RANBP2: variants seen among roughly 807,000 people sequenced by gnomAD.
RANBP2 encodes RAN binding protein 2.
RANBP2 carries 57 observed loss-of-function variants against 303.6 expected under a neutral mutation model. The ratio of observed to expected loss-of-function variants is 0.19; its 90% CI spans 0.15 to 0.23. RANBP2 has a LOEUF of 0.23. Among genes scored for constraint, RANBP2 ranks in the 10% least tolerant of loss-of-function variants. RANBP2 has a pLI of 1.00. For missense variants in RANBP2, 3,138 were observed against 3,780.8 expected, an observed-to-expected ratio of 0.83 and a Z score of 4.46; for synonymous variants, 1,167 against 1,301.5, an observed-to-expected ratio of 0.90 and a Z score of 2.23.
the RANBP2 span, among the ~76,000 whole-genome samples, chr2:109,243,086 T>G: frequency 6.6e-6 from 1 of 152,226 alleles, no homozygotes; most frequent in South Asian, 2.1e-4. Flanking sequence ...TCCTGTAGCG[T>G]CAGCAGCAGA....
At chr2:109,096,351 T>C in the RANBP2 span, among the ~76,000 whole-genome samples, 1 of 152,214 alleles carries the variant, frequency 6.6e-6, no homozygotes, top group Non-Finnish European at 1.5e-5. Context: ...CTAATATGGT[T>C]CAGTATATAT....
the RANBP2 span, among the ~76,000 whole-genome samples, chr2:109,297,931 T>C: frequency 6.7e-6 from 1 of 149,114 alleles, no homozygotes; most frequent in African/African-American, 2.5e-5. Context: ...AGATGTGTGT[T>C]CCCCCCCCAC....
chr2:109,419,754 G>A, the RANBP2 span: 2 of 1,007,658 alleles, frequency 2.0e-6, no homozygotes, highest in Non-Finnish European at 2.9e-6. Context: ...TTACTAGTTG[G>A]CCAGTATAGT....
the RANBP2 span, among the ~76,000 whole-genome samples, chr2:109,340,846 G>A: frequency 1.2e-3 from 188 of 152,196 alleles, no homozygotes; most frequent in African/African-American, 4.1e-3. Flanking sequence ...TGACCTAACC[G>A]CTGCTTTGAT....
chr2:108,759,891 C>T (rs1442151739), intron 18 of RANBP2, among the ~76,000 whole-genome samples: 1 of 152,118 alleles, frequency 6.6e-6, no homozygotes, highest in Non-Finnish European at 1.5e-5. Context: ...GCATGTAAAT[C>T]CAACATTCTC....
the RANBP2 span, among the ~76,000 whole-genome samples, chr2:109,538,615 G>A: frequency 1.3e-5 from 2 of 152,208 alleles, no homozygotes; most frequent in African/African-American, 4.8e-5. Context: ...TGCCTCCCAG[G>A]TTCAAGCAAT....
the RANBP2 span, among the ~76,000 whole-genome samples, chr2:108,902,701 C>A: frequency 6.6e-6 from 1 of 152,102 alleles, no homozygotes; most frequent in South Asian, 2.1e-4. Flanking sequence ...ATGGCTTATT[C>A]CAGGGAGGCA....
At chr2:109,456,085 C>T in the RANBP2 span, among the ~76,000 whole-genome samples, 2 of 152,216 alleles carry the variant, frequency 1.3e-5, no homozygotes, top group African/African-American at 4.8e-5. Context: ...GGCTCCCAGG[C>T]CCACTGGGGG....
the RANBP2 span, among the ~76,000 whole-genome samples, chr2:109,004,839 C>T: frequency 2.0e-5 from 3 of 152,188 alleles, no homozygotes; most frequent in Non-Finnish European, 4.4e-5. Flanking sequence ...CCATCTTCTC[C>T]CAGTTTTATT....
chr2:109,000,310 T>A, the RANBP2 span, among the ~76,000 whole-genome samples: 2 of 152,172 alleles, frequency 1.3e-5, no homozygotes. Flanking sequence ...GAGGATCACT[T>A]GAGCCCAGGA....
the RANBP2 span, among the ~76,000 whole-genome samples, chr2:109,709,307 AAAAATAAAATAAAATAAAAT>A: frequency 4.8e-3 from 610 of 127,660 alleles, 9 homozygotes; most frequent in South Asian, 0.036. Flanking sequence ...ACTGTGTCTC[AAAAATAAAATAAAATAAAAT>A]AAAATAAAAT....
the RANBP2 span, among the ~76,000 whole-genome samples, chr2:109,721,600 G>A: frequency 1.3e-5 from 2 of 152,240 alleles, no homozygotes; most frequent in African/African-American, 4.8e-5. Context: ...GAAGCAGGAT[G>A]AGGCCATCAG....
At chr2:109,335,938 G>T in the RANBP2 span, among the ~76,000 whole-genome samples, 1 of 152,176 alleles carries the variant, frequency 6.6e-6, no homozygotes, top group African/African-American at 2.4e-5. Context: ...AAGACACTTG[G>T]GGGCTGGGAG....
At chr2:108,818,713 T>C in the RANBP2 span, among the ~76,000 whole-genome samples, 2 of 152,180 alleles carry the variant, frequency 1.3e-5, no homozygotes, top group Non-Finnish European at 2.9e-5. Context: ...GTTATCGGAC[T>C]CTGTTAACCA....
the RANBP2 span, among the ~76,000 whole-genome samples, chr2:109,640,617 G>A: frequency 2.6e-5 from 4 of 152,040 alleles, no homozygotes; most frequent in African/African-American, 7.2e-5. Flanking sequence ...TGAGGGCCTC[G>A]CGGGACTGCA....
the RANBP2 span, among the ~76,000 whole-genome samples, chr2:108,797,043 A>T: frequency 6.6e-6 from 1 of 152,212 alleles, no homozygotes; most frequent in East Asian, 1.9e-4. Context: ...GAGGATGTTA[A>T]GTAGGCTGTT....
At chr2:109,007,336 C>A in the RANBP2 span, among the ~76,000 whole-genome samples, 1 of 152,234 alleles carries the variant, frequency 6.6e-6, no homozygotes, top group African/African-American at 2.4e-5. Flanking sequence ...GAACACACCT[C>A]CATCAGTAGT....
chr2:109,271,427 A>C, the RANBP2 span, among the ~76,000 whole-genome samples: 1 of 152,242 alleles, frequency 6.6e-6, no homozygotes, highest in African/African-American at 2.4e-5. Context: ...TGGCTTTTGG[A>C]GTAAGAGTTT....
the RANBP2 span, among the ~76,000 whole-genome samples, chr2:109,637,261 C>T: frequency 1.7e-4 from 26 of 152,208 alleles, no homozygotes; most frequent in African/African-American, 5.5e-4. Context: ...CACCATAGGG[C>T]GGTTTTTCTC....
Sources: gnomAD v4.1 joint callset for allele counts (sites outside exome capture counted in the v4.1 genomes callset) on GRCh38, gnomAD v4.1.1 for gene constraint, MANE v1.5 for transcripts, NCBI Gene and HGNC (gene_info 2026-07-23, HGNC 2026-07-21) for gene names.